The following GNB1 variants were observed in gnomAD, a reference collection of about 807,000 sequenced individuals.
GNB1 encodes the protein G protein subunit beta 1, also known as guanine nucleotide-binding protein G(I)/G(S)/G(T) subunit beta-1.
GNB1 carries 2 observed loss-of-function variants against 42.9 expected under a neutral mutation model. That is an observed-to-expected ratio of 0.05 (90% CI 0.02 to 0.15). The LOEUF is 0.15. Among genes scored for constraint, GNB1 ranks in the 10% least tolerant of loss-of-function variants. The pLI, the probability that GNB1 is intolerant of heterozygous loss-of-function variation, is 1.00. For synonymous variants in GNB1, 183 were observed against 174.7 expected, an observed-to-expected ratio of 1.05 and a Z score of -0.38; for missense variants, 193 against 462.2, an observed-to-expected ratio of 0.42 and a Z score of 5.34.
In GNB1 at chr1:1,822,606, C is replaced by T. The variant is rs116741017; in HGVS notation, c.57+2791G>A. Among the ~76,000 whole-genome samples the T allele has an allele frequency of 8.9e-3, 1,355 of 152,234 alleles. 22 individuals are homozygous for T. The highest frequency in any genetic ancestry group is 0.029 in the African/African-American group (1,218 of 41,532). On this transcript the variant is annotated intron_variant, in intron 3 of 11. Coordinates refer to ENST00000378609, the MANE Select transcript of GNB1 (RefSeq NM_002074.5). ...CTGGGATTACAGGCGTCAGCCACCG[C>T]GCCCGACCTCTTTTTACATTTTTTA...
intron 1 of GNB1, among the ~76,000 whole-genome samples, chr1:1,878,109 T>A (rs1649646741): frequency 6.6e-6 from 1 of 152,178 alleles, no homozygotes; most frequent in Non-Finnish European, 1.5e-5. Context: ...CAGTCATCTG[T>A]AAGATGGAGC....
At chr1:1,815,555 GT>G (rs2100855178) in intron 5 of GNB1, among the ~76,000 whole-genome samples, 200 bp downstream of exon 5, 1 of 152,364 alleles carries the variant, frequency 6.6e-6, no homozygotes, top group African/African-American at 2.4e-5. Context: ...AAATGGCAGT[GT>G]TCTTTCAGCC....
intron 1 of GNB1, among the ~76,000 whole-genome samples, chr1:1,874,605 TAAAAAAAAAAAAAA>T (rs34864042): frequency 1.9e-4 from 9 of 47,024 alleles, no homozygotes; most frequent in Admixed American, 4.0e-4. Context: ...AGACTCCATC[TAAAAAAAAAAAAAA>T]AAAAAAAAAA....
chr1:1,809,728 G>C (rs1474542709), intron 5 of GNB1, among the ~76,000 whole-genome samples: 1 of 152,156 alleles, frequency 6.6e-6, no homozygotes, highest in African/African-American at 2.4e-5. Context: ...TGATCCTCCA[G>C]AAGGTGAGAG....
chr1:1,785,829 A>C lies in GNB1; in HGVS notation c.*1234T>G, dbSNP rs1266317928. 5.0e-6 allele frequency: 2 copies of C among 397,000 alleles called. No individual in the cohort carries two copies. The highest frequency in any genetic ancestry group is 8.9e-6 in the Non-Finnish European group (2 of 225,472). The allele number at this position is 397,000 out of a possible 1,614,324, so 24.6% of individuals were successfully genotyped here. On this transcript the variant is annotated 3_prime_UTR_variant, in exon 12 of 12. Transcript: ENST00000378609. ...TTTTTTTTTTTTAAAGAAATAAAGA[A>C]AACAGTGACTTATCCCGCTACCCAA...
rs1198282667 is a variant in GNB1 at position 1,786,199 on chromosome 1, T to G, written c.*864A>C. 5.0e-6 allele frequency: 2 copies of G among 397,366 alleles called. No individual in the cohort carries two copies. Among genetic ancestry groups the G allele is most frequent in the African/African-American group, 4.1e-5 (2 of 48,550 alleles). 24.6% of individuals were successfully genotyped at this position (397,366 alleles called of 1,614,324 possible). ...TCTTGAAAACAGAGGTTCCTCCTAG[T>G]TGGGGGTGGGGTAGTGTTAGGCTAT... On this transcript the variant is annotated 3_prime_UTR_variant, in exon 12 of 12. Coordinates refer to ENST00000378609, the MANE Select transcript of GNB1 (RefSeq NM_002074.5).
intron 1 of GNB1, among the ~76,000 whole-genome samples, chr1:1,865,955 T>A (rs1002026498): frequency 4.5e-4 from 69 of 152,156 alleles, no homozygotes; most frequent in Non-Finnish European, 6.6e-4. Context: ...TTATTTTTTT[T>A]TTTTTTGAGT....
intron 7 of GNB1, among the ~76,000 whole-genome samples, chr1:1,798,485 C>T (rs1171241386): frequency 6.6e-6 from 1 of 152,234 alleles, no homozygotes; most frequent in African/African-American, 2.4e-5. Context: ...TCACTGACAG[C>T]TGTGCACGCT....
chr1:1,789,317 A>T, intron 9 of GNB1, 48 bp from the exon 10 acceptor site: 1 of 1,063,004 alleles, frequency 9.4e-7, no homozygotes, highest in Middle Eastern at 2.0e-4. Context: ...CTCAGAAAGA[A>T]ACATTGGGAA....
chr1:1,876,311 G>GC (rs1649541199), intron 1 of GNB1, among the ~76,000 whole-genome samples: 1 of 151,330 alleles, frequency 6.6e-6, no homozygotes. Context: ...AGAAGGACTT[G>GC]TTTTTTTTTA....
intron 1 of GNB1, among the ~76,000 whole-genome samples, chr1:1,876,512 A>AGAGC (rs1553206480): frequency 6.6e-6 from 1 of 151,788 alleles, no homozygotes; most frequent in Non-Finnish European, 1.5e-5. Context: ...AGAGAGAGAG[A>AGAGC]GAGCGAGCGT....
rs1025172535 is a variant in GNB1, at chr1:1,847,305, C to T, written c.-95-8067G>A. ...GAACAAGACTGGGACAACAAAATCC[C>T]TTTTTCTGGACTGGTTCCATCGATG... On this transcript the variant is annotated intron_variant, in intron 1 of 11. Transcript: ENST00000378609. 2.6e-5 allele frequency among the ~76,000 whole-genome samples: 4 copies of T among 152,294 alleles called. No individual in the cohort carries two copies. In the East Asian group the frequency reaches 7.7e-4, roughly 29 times the overall value.
intron 1 of GNB1, among the ~76,000 whole-genome samples, chr1:1,854,513 C>T (rs1287879920): frequency 2.6e-5 from 4 of 152,130 alleles, no homozygotes; most frequent in African/African-American, 4.8e-5. Flanking sequence ...AGGAAGGGGA[C>T]CACAATGAAG....
rs115630004 is a variant in GNB1, at chr1:1,821,802, T to C, written c.57+3595A>G. Among the ~76,000 whole-genome samples the C allele has an allele frequency of 4.3e-3, 654 of 152,304 alleles. 3 individuals are homozygous for C. Among genetic ancestry groups the C allele is most frequent in the Middle Eastern group, 0.017 (5 of 294 alleles). On this transcript the variant is annotated intron_variant, in intron 3 of 11. Transcript: ENST00000378609. The stretch of plus-strand genomic sequence containing the variant: ...AATATCTCAATTAAAATGTATTAAT[T>C]ACACATTGCATAATAAATAATATTT...
intron 7 of GNB1, among the ~76,000 whole-genome samples, chr1:1,804,097 T>A (rs1185439571): frequency 7.1e-6 from 1 of 141,152 alleles, no homozygotes; most frequent in East Asian, 2.3e-4. Context: ...ATCGAGACCA[T>A]CCTGGCTAAC....
At chr1:1,805,343 C>T (rs1298256520) in intron 6 of GNB1, among the ~76,000 whole-genome samples, 1 of 149,516 alleles carries the variant, frequency 6.7e-6, no homozygotes, top group Non-Finnish European at 1.5e-5. Context: ...GCCTGTAATC[C>T]CAGCTACTCA....
chr1:1,822,715 G>C (rs1357529710), intron 3 of GNB1, among the ~76,000 whole-genome samples: 1 of 152,138 alleles, frequency 6.6e-6, no homozygotes, highest in African/African-American at 2.4e-5. Context: ...AGGCCCTGGG[G>C]AATTCACAAC....
chr1:1,853,752 T>C (rs1648113936), intron 1 of GNB1, among the ~76,000 whole-genome samples: 1 of 152,170 alleles, frequency 6.6e-6, no homozygotes. Context: ...AAACCTCAGC[T>C]AATGTCTAGG....
chr1:1,875,073 G>A (rs1649467501), intron 1 of GNB1, among the ~76,000 whole-genome samples: 1 of 152,162 alleles, frequency 6.6e-6, no homozygotes. Flanking sequence ...GATCTGACAG[G>A]AGGTGGAGCT....
Sources: allele counts gnomAD v4.1 joint callset (sites outside exome capture counted in the v4.1 genomes callset), GRCh38; gene constraint gnomAD v4.1.1; transcripts MANE v1.5; gene names NCBI Gene and HGNC (gene_info 2026-07-23, HGNC 2026-07-21).